PCDH15: variants seen among roughly 807,000 people sequenced by gnomAD.
PCDH15 encodes the protein protocadherin-15.
Under a neutral mutation model 178.5 loss-of-function variants are expected in PCDH15, and 129 were observed. That is an observed-to-expected ratio of 0.72 (90% CI 0.63 to 0.84). The LOEUF is 0.84. PCDH15 is among the 40% of genes least tolerant of loss of function. PCDH15 has a pLI of 0.00. For synonymous variants in PCDH15, 800 were observed against 732.0 expected, an observed-to-expected ratio of 1.09 and a Z score of -1.50; for missense variants, 2,230 against 2,099.9, an observed-to-expected ratio of 1.06 and a Z score of -1.21.
chr10:55,139,523 T>A (rs1838290774), intron 2 of PCDH15, among the ~76,000 whole-genome samples: 1 of 152,114 alleles, frequency 6.6e-6, no homozygotes, highest in Admixed American at 6.6e-5. Flanking sequence ...GTTCCAAATG[T>A]TTCCACACCA....
intron 3 of PCDH15, among the ~76,000 whole-genome samples, chr10:54,876,338 T>C (rs1954143384): frequency 6.6e-6 from 1 of 152,174 alleles, no homozygotes; most frequent in Non-Finnish European, 1.5e-5. Context: ...GTTATTTTCA[T>C]GAATGCCAAT....
chr10:54,135,018 A>G (rs970607103), intron 14 of PCDH15, among the ~76,000 whole-genome samples: 1 of 151,608 alleles, frequency 6.6e-6, no homozygotes, highest in African/African-American at 2.4e-5. Flanking sequence ...AGCATGACCA[A>G]CATGGAGAAA....
At chr10:54,566,198 G>T (rs1351403439) in intron 2 of PCDH15, among the ~76,000 whole-genome samples, 8 of 152,036 alleles carry the variant, frequency 5.3e-5, no homozygotes, top group African/African-American at 1.9e-4. Context: ...TCACAGAGAA[G>T]CTTTAGGTTT....
At chr10:55,410,803 C>T (rs1055752317) in intron 2 of PCDH15, among the ~76,000 whole-genome samples, 3 of 152,056 alleles carry the variant, frequency 2.0e-5, no homozygotes, top group Non-Finnish European at 4.4e-5. Context: ...CAACAGTGAC[C>T]TCTTGTGCCA....
At chr10:54,327,722 A>G (rs1306349348) in intron 7 of PCDH15, among the ~76,000 whole-genome samples, 1 of 151,996 alleles carries the variant, frequency 6.6e-6, no homozygotes, top group Non-Finnish European at 1.5e-5. Flanking sequence ...TCCTTTTAGC[A>G]TCCCCTGCTA....
At chr10:54,831,095 A>C (rs1183401567) in intron 3 of PCDH15, among the ~76,000 whole-genome samples, 1 of 152,118 alleles carries the variant, frequency 6.6e-6, no homozygotes, top group African/African-American at 2.4e-5. Context: ...CTAGTGCTTA[A>C]TTTAATAAAT....
intron 2 of PCDH15, among the ~76,000 whole-genome samples, chr10:54,568,971 A>G (rs532286585): frequency 6.6e-6 from 1 of 152,120 alleles, no homozygotes; most frequent in African/African-American, 2.4e-5. Flanking sequence ...AATGTGGGAA[A>G]CAGATTCAAA....
intron 2 of PCDH15, among the ~76,000 whole-genome samples, chr10:55,354,111 G>A (rs536096279): frequency 2.0e-5 from 3 of 152,046 alleles, no homozygotes; most frequent in African/African-American, 7.2e-5. Context: ...CATAGTGATA[G>A]TTTATTCCAA....
chr10:54,057,547 T>C (rs1384033256), intron 18 of PCDH15, among the ~76,000 whole-genome samples: 2 of 151,994 alleles, frequency 1.3e-5, no homozygotes, highest in South Asian at 2.1e-4. Context: ...GTCATGAGGA[T>C]ACACACAGCA....
At chr10:55,587,682 A>T (rs1269838317) in intron 2 of PCDH15, among the ~76,000 whole-genome samples, 2 of 152,236 alleles carry the variant, frequency 1.3e-5, no homozygotes, top group African/African-American at 4.8e-5. Context: ...AATACATATT[A>T]CAATGGTGGT....
At chr10:54,655,431 GTGT>G (rs1565867535) in intron 2 of PCDH15, 32 of 24,514 alleles carry the variant, frequency 1.3e-3, no homozygotes, top group Admixed American at 3.6e-3. Context: ...GTGGTGGGGT[GTGT>G]GTGTGTGTGT....
chr10:55,160,980 G>C (rs970368841), intron 2 of PCDH15, among the ~76,000 whole-genome samples: 3 of 152,002 alleles, frequency 2.0e-5, no homozygotes, highest in African/African-American at 7.2e-5. Flanking sequence ...TGCTCATGTG[G>C]CATTAATATC....
chr10:55,592,737 G>C (rs1368976123), intron 2 of PCDH15, among the ~76,000 whole-genome samples: 1 of 152,010 alleles, frequency 6.6e-6, no homozygotes, highest in Admixed American at 6.6e-5. Context: ...TAGGAATTTA[G>C]CAGAGTATTT....
intron 1 of PCDH15, among the ~76,000 whole-genome samples, chr10:55,270,809 T>C (rs967763098): frequency 1.3e-5 from 2 of 151,436 alleles, no homozygotes; most frequent in Non-Finnish European, 2.9e-5. Context: ...GGAAAATAGA[T>C]CATTATATTA....
chr10:54,354,361 A>T (rs980833302), intron 5 of PCDH15, among the ~76,000 whole-genome samples: 1 of 152,248 alleles, frequency 6.6e-6, no homozygotes, highest in Non-Finnish European at 1.5e-5. Flanking sequence ...TCCCACGTAC[A>T]TGCTTAAAGT....
At chr10:54,725,263 A>C (rs1365670614) in intron 1 of PCDH15, among the ~76,000 whole-genome samples, 1 of 151,084 alleles carries the variant, frequency 6.6e-6, no homozygotes, top group Non-Finnish European at 1.5e-5. Context: ...AGTCACAGAC[A>C]CTAAAAACCT....
At chr10:55,538,510 TTTCC>T (rs1841651182) in intron 2 of PCDH15, among the ~76,000 whole-genome samples, 1 of 37,968 alleles carries the variant, frequency 2.6e-5, no homozygotes, top group Non-Finnish European at 5.7e-5. Flanking sequence ...TCCTTCCTTC[TTTCC>T]TTCCTTCCTC....
intron 2 of PCDH15, among the ~76,000 whole-genome samples, chr10:54,544,597 A>G (rs933293612): frequency 6.6e-6 from 1 of 152,164 alleles, no homozygotes; most frequent in Non-Finnish European, 1.5e-5. Context: ...GTTTGCATAT[A>G]TCATACATTT....
At chr10:54,040,846 G>T (rs1233674517) in intron 18 of PCDH15, among the ~76,000 whole-genome samples, 1 of 151,958 alleles carries the variant, frequency 6.6e-6, no homozygotes, top group Non-Finnish European at 1.5e-5. Flanking sequence ...AAATGTAATG[G>T]CAAGCTTCAT....
Sources: gnomAD v4.1 joint callset for allele counts (sites outside exome capture counted in the v4.1 genomes callset) on GRCh38, gnomAD v4.1.1 for gene constraint, MANE v1.5 for transcripts, NCBI Gene and HGNC (gene_info 2026-07-23, HGNC 2026-07-21) for gene names.